Variants in NR6A1 observed in about 807,000 individuals in gnomAD.
NR6A1 encodes the protein nuclear receptor subfamily 6 group A member 1, also known as retinoic acid receptor-related testis-associated receptor.
In NR6A1, 7 loss-of-function variants were observed where a neutral mutation model predicts 59.1. That is an observed-to-expected ratio of 0.12 (90% CI 0.07 to 0.22). NR6A1 has a LOEUF of 0.22. NR6A1 is among the 10% of genes least tolerant of loss of function. The pLI is 1.00. For synonymous variants in NR6A1, 243 were observed against 236.1 expected, an observed-to-expected ratio of 1.03 and a Z score of -0.27; for missense variants, 468 against 611.6, an observed-to-expected ratio of 0.77 and a Z score of 2.48.
intron 8 of NR6A1, among the ~76,000 whole-genome samples, chr9:124,526,272 TTGTG>T (rs1204703211): frequency 2.0e-5 from 3 of 150,060 alleles, no homozygotes; most frequent in Admixed American, 6.6e-5. Context: ...CCATGCTTGA[TTGTG>T]TGTATGTGTG....
At chr9:124,685,588 C>A (rs1020509251) in intron 2 of NR6A1, among the ~76,000 whole-genome samples, 6 of 152,130 alleles carry the variant, frequency 3.9e-5, no homozygotes. Context: ...CTGTGGACTC[C>A]CAAAGTACTG....
At chr9:124,707,676 G>A (rs1029325758) in intron 2 of NR6A1, among the ~76,000 whole-genome samples, 2 of 151,922 alleles carry the variant, frequency 1.3e-5, no homozygotes, top group African/African-American at 4.8e-5. Context: ...GTTGTTTTTT[G>A]TTTTGTTTAC....
At chr9:124,602,034 AT>A (rs1481577539) in intron 2 of NR6A1, among the ~76,000 whole-genome samples, 3 of 152,232 alleles carry the variant, frequency 2.0e-5, no homozygotes, top group African/African-American at 7.2e-5. Context: ...GTAAAAAGAC[AT>A]TTTTGGGACA....
chr9:124,624,397 G>A (rs76541022), intron 2 of NR6A1, among the ~76,000 whole-genome samples: 2,699 of 152,228 alleles, frequency 0.018, 42 homozygotes, highest in Non-Finnish European at 0.029. Flanking sequence ...GTCAATTTTC[G>A]AATACTAAGC....
chr9:124,646,622 C>T (rs1393882188), intron 2 of NR6A1, among the ~76,000 whole-genome samples: 2 of 152,128 alleles, frequency 1.3e-5, no homozygotes, highest in African/African-American at 4.8e-5. Flanking sequence ...TTAGGCCACA[C>T]ATAAAATACC....
intron 2 of NR6A1, among the ~76,000 whole-genome samples, chr9:124,719,855 A>G (rs1313295925): frequency 6.6e-6 from 1 of 151,964 alleles, no homozygotes; most frequent in African/African-American, 2.4e-5. Flanking sequence ...CAGGAGGTCG[A>G]GGCTGCAGTG....
chr9:124,704,954 T>C (rs948214661), intron 2 of NR6A1, among the ~76,000 whole-genome samples: 1 of 152,232 alleles, frequency 6.6e-6, no homozygotes, highest in African/African-American at 2.4e-5. Flanking sequence ...CAGGCTGGTC[T>C]AGAACTCCTG....
chr9:124,755,173 C>CATAA (rs1433927073), intron 1 of NR6A1, among the ~76,000 whole-genome samples: 2 of 834 alleles, frequency 2.4e-3, no homozygotes, highest in Non-Finnish European at 9.6e-3. Flanking sequence ...GTCACATTAC[C>CATAA]GTGGAAATAT....
Position 124,518,613 on chromosome 9 carries a change from T to C in NR6A1, c.*4092A>G, listed in dbSNP as rs914155556. On this transcript the variant is annotated 3_prime_UTR_variant, in exon 10 of 10. Transcript: ENST00000487099. The stretch of plus-strand genomic sequence containing the variant: ...AACATCATTTCACAGATACTGGACA[T>C]AGATGCTTCAAGCCAAGGAGAAAGG... 1.3e-5 allele frequency: 2 copies of C among 151,886 alleles called. No homozygotes were observed. Among genetic ancestry groups the C allele is most frequent in the South Asian group, 2.1e-4 (1 of 4,806 alleles). 9.4% of individuals were successfully genotyped at this position (151,886 alleles called of 1,614,324 possible). A position where few individuals can be genotyped will look rare whatever the true frequency, so the allele number is the denominator to read the frequency against.
intron 2 of NR6A1, among the ~76,000 whole-genome samples, chr9:124,618,632 A>C (rs1305073022): frequency 2.6e-5 from 4 of 152,158 alleles, no homozygotes; most frequent in African/African-American, 9.7e-5. Context: ...AGTCATCCTA[A>C]ATTAATCTGA....
intron 2 of NR6A1, among the ~76,000 whole-genome samples, chr9:124,652,634 T>C (rs932707563): frequency 4.6e-5 from 7 of 152,044 alleles, no homozygotes; most frequent in Non-Finnish European, 1.0e-4. Context: ...TAAAATTAAC[T>C]CAGTACCATG....
At chr9:124,711,319 T>C (rs568327172) in intron 2 of NR6A1, among the ~76,000 whole-genome samples, 2 of 150,262 alleles carry the variant, frequency 1.3e-5, no homozygotes, top group South Asian at 4.3e-4. Context: ...TTCACAGCCC[T>C]ATAAATTCTA....
Position 124,771,266 on chromosome 9 carries a change from GCTCCGCGCCGCTCCGCGCCC to G in NR6A1, c.-167_-148del, listed in dbSNP as rs916970112. 386 of 401,190 alleles carry G rather than the reference GCTCCGCGCCGCTCCGCGCCC, an allele frequency of 9.6e-4. No individual in the cohort carries two copies. The highest frequency in any genetic ancestry group is 2.1e-3 in the South Asian group (17 of 7,970). The allele number at this position is 401,190 out of a possible 1,614,324, so 24.9% of individuals were successfully genotyped here. A position where few individuals can be genotyped will look rare whatever the true frequency, so the allele number is the denominator to read the frequency against. On this transcript the variant is annotated 5_prime_UTR_variant, in exon 1 of 10. Transcript: ENST00000487099. ...CTCTCTCTGGGCCCCGAGCCGCCCG[GCTCCGCGCCGCTCCGCGCCC>G]CTCCGCGCCGCGCCCCCTCAGCACT...
intron 2 of NR6A1, among the ~76,000 whole-genome samples, chr9:124,719,104 T>C (rs1302197045): frequency 6.6e-6 from 1 of 152,022 alleles, no homozygotes; most frequent in Admixed American, 6.6e-5. Flanking sequence ...TTTTCTTTTG[T>C]GGCGGGGAGG....
intron 1 of NR6A1, among the ~76,000 whole-genome samples, chr9:124,763,963 C>T (rs951218226): frequency 6.6e-6 from 1 of 152,066 alleles, no homozygotes; most frequent in Non-Finnish European, 1.5e-5. Flanking sequence ...GCACGTGGAT[C>T]ACTTGAGGTC....
intron 2 of NR6A1, among the ~76,000 whole-genome samples, chr9:124,669,258 C>G (rs1214957791): frequency 2.0e-5 from 3 of 152,142 alleles, no homozygotes; most frequent in African/African-American, 7.2e-5. Flanking sequence ...TGAATTATTT[C>G]AAATTTTTGT....
chr9:124,630,592 C>T (rs556887856), intron 2 of NR6A1, among the ~76,000 whole-genome samples: 1 of 148,310 alleles, frequency 6.7e-6, no homozygotes, highest in South Asian at 2.1e-4. Flanking sequence ...AGCATGGGTT[C>T]TGAAATCCGA....
chr9:124,630,015 C>T (rs1016376173), intron 2 of NR6A1, among the ~76,000 whole-genome samples: 1 of 152,028 alleles, frequency 6.6e-6, no homozygotes, highest in Non-Finnish European at 1.5e-5. Context: ...AACCACGTTG[C>T]CCAAATTTTT....
chr9:124,656,880 C>T (rs1054705812), intron 2 of NR6A1, among the ~76,000 whole-genome samples: 2 of 152,040 alleles, frequency 1.3e-5, no homozygotes, highest in Non-Finnish European at 2.9e-5. Flanking sequence ...TGATGGTTGT[C>T]CCCAGGGCCT....
Sources: allele counts gnomAD v4.1 joint callset (sites outside exome capture counted in the v4.1 genomes callset), GRCh38; gene constraint gnomAD v4.1.1; transcripts MANE v1.5; gene names NCBI Gene and HGNC (gene_info 2026-07-23, HGNC 2026-07-21).